ROCK2: variants seen among roughly 807,000 people sequenced by gnomAD.
ROCK2 encodes the protein rho-associated protein kinase 2.
A neutral mutation model predicts 195.1 loss-of-function variants in ROCK2; 61 were observed. The observed-to-expected ratio is 0.31, with a 90% CI of 0.25 to 0.39. ROCK2 has a LOEUF of 0.39. Among genes scored for constraint, ROCK2 ranks in the 10% least tolerant of loss-of-function variants. ROCK2 has a pLI of 1.00. For synonymous variants in ROCK2, 504 were observed against 545.5 expected (o/e 0.92, Z 1.06); for missense variants, 1,109 against 1,637.4 (o/e 0.68, Z 5.57).
At chr2:11,342,356 G>T (rs1669133174) in intron 1 of ROCK2, among the ~76,000 whole-genome samples, 1 of 152,118 alleles carries the variant, frequency 6.6e-6, no homozygotes, top group Non-Finnish European at 1.5e-5. Context: ...TTTAAAAATA[G>T]CCTCCATTTT....
chr2:11,198,985 C>T (rs1663747604), intron 23 of ROCK2, among the ~76,000 whole-genome samples: 1 of 151,370 alleles, frequency 6.6e-6, no homozygotes, highest in South Asian at 2.1e-4. Context: ...ACTGCAACCT[C>T]CGCCTCCTGG....
intron 10 of ROCK2, 143 bp downstream of exon 10, chr2:11,218,823 T>C (rs1251620811): frequency 7.6e-6 from 4 of 529,556 alleles, no homozygotes; most frequent in Non-Finnish European, 1.4e-5. Flanking sequence ...ATCATTGCAA[T>C]GCTATGTTAA....
At chr2:11,298,960 T>A (rs1431478152) in intron 1 of ROCK2, among the ~76,000 whole-genome samples, 1 of 152,110 alleles carries the variant, frequency 6.6e-6, no homozygotes, top group East Asian at 1.9e-4. Flanking sequence ...AATCTCATTT[T>A]ATATTCCACA....
intron 1 of ROCK2, among the ~76,000 whole-genome samples, chr2:11,326,288 G>A (rs1668547856): frequency 6.6e-6 from 1 of 152,092 alleles, no homozygotes; most frequent in African/African-American, 2.4e-5. Flanking sequence ...CAGCAAAGGA[G>A]CCTAAGGAGA....
At chr2:11,209,860 G>T (rs958223549) in intron 18 of ROCK2, among the ~76,000 whole-genome samples, 2 of 152,160 alleles carry the variant, frequency 1.3e-5, no homozygotes, top group Admixed American at 6.5e-5. Context: ...CATTCCCCAT[G>T]TAGTACTAAT....
intron 3 of ROCK2, among the ~76,000 whole-genome samples, chr2:11,258,679 G>T (rs1666118472): frequency 6.6e-6 from 1 of 151,304 alleles, no homozygotes; most frequent in Non-Finnish European, 1.5e-5. Flanking sequence ...TCATACTACA[G>T]ATTTTGTTGA....
At chr2:11,287,888 T>G (rs1227995530) in intron 1 of ROCK2, 152 bp from the exon 2 acceptor site, 3 of 379,248 alleles carry the variant, frequency 7.9e-6, no homozygotes, top group African/African-American at 6.3e-5. Flanking sequence ...TCCAACAGCT[T>G]TAACTGGTTT....
intron 4 of ROCK2, among the ~76,000 whole-genome samples, chr2:11,243,519 T>C (rs1409026373): frequency 6.6e-6 from 1 of 152,222 alleles, no homozygotes; most frequent in Non-Finnish European, 1.5e-5. Context: ...AATGTATTAG[T>C]ATGTACTCCT....
chr2:11,198,890 T>TC (rs1663742917), intron 23 of ROCK2, 116 bp from the exon 24 acceptor site: 6 of 699,982 alleles, frequency 8.6e-6, no homozygotes, highest in Non-Finnish European at 1.4e-5. Flanking sequence ...TTTCTTTTTT[T>TC]TTTTTTTTTG....
chr2:11,268,522 C>CTG (rs70953378), intron 3 of ROCK2, among the ~76,000 whole-genome samples: 28,957 of 140,196 alleles, frequency 0.21, 2,958 homozygotes, highest in East Asian at 0.4. Flanking sequence ...CAGTTTTGCA[C>CTG]TGTGTGTGTG....
At chr2:11,334,483 G>A (rs1285922516) in intron 1 of ROCK2, among the ~76,000 whole-genome samples, 1 of 141,812 alleles carries the variant, frequency 7.1e-6, no homozygotes, top group Non-Finnish European at 1.5e-5. Flanking sequence ...TGCACTCCAG[G>A]CTGGGCGACA....
Position 11,334,221 on chromosome 2 carries a change from T to TA in ROCK2, c.141+9774dup, listed in dbSNP as rs914507172. 6.4e-4 allele frequency among the ~76,000 whole-genome samples: 98 copies of TA among 152,084 alleles called. 1 individual carries two copies. The highest frequency in any genetic ancestry group is 1.3e-4 in the Admixed American group (2 of 15,272). On this transcript the variant is annotated intron_variant, in intron 1 of 32. Transcript: ENST00000315872. ...TCTACAGGTTATCACTCCTGTTATT[T>TA]AAAAAAAGAGGCCAGGCGCAGTGAC... is the stretch of plus-strand genomic sequence containing the variant.
intron 1 of ROCK2, among the ~76,000 whole-genome samples, chr2:11,342,157 G>C (rs1351637143): frequency 6.6e-6 from 1 of 152,126 alleles, no homozygotes; most frequent in African/African-American, 2.4e-5. Flanking sequence ...ACGCATTTTG[G>C]CTTGGAAAGG....
At chr2:11,304,276 C>T (rs1392016279) in intron 1 of ROCK2, among the ~76,000 whole-genome samples, 2 of 152,186 alleles carry the variant, frequency 1.3e-5, no homozygotes, top group Non-Finnish European at 2.9e-5. Flanking sequence ...TGCCCTACCC[C>T]TTCCTTTTCC....
intron 1 of ROCK2, among the ~76,000 whole-genome samples, chr2:11,310,894 G>C (rs1668013070): frequency 6.6e-6 from 1 of 151,476 alleles, no homozygotes; most frequent in Non-Finnish European, 1.5e-5. Context: ...TTGTAATAAA[G>C]CAAGGAAGAT....
chr2:11,288,330 T>C (rs569271628), intron 1 of ROCK2, among the ~76,000 whole-genome samples: 1 of 152,214 alleles, frequency 6.6e-6, no homozygotes, highest in African/African-American at 2.4e-5. Flanking sequence ...CACATAATGG[T>C]GGAGGTGAAA....
chr2:11,291,070 A>T (rs999586325), intron 1 of ROCK2, among the ~76,000 whole-genome samples: 13 of 152,314 alleles, frequency 8.5e-5, no homozygotes, highest in Admixed American at 2.0e-4. Flanking sequence ...TGTATTTTTT[A>T]AAAAAACATG....
At chr2:11,337,283 T>C (rs1668959287) in intron 1 of ROCK2, among the ~76,000 whole-genome samples, 1 of 150,164 alleles carries the variant, frequency 6.7e-6, no homozygotes, top group Non-Finnish European at 1.5e-5. Context: ...AGATACACCA[T>C]AAGCTAGGAA....
intron 3 of ROCK2, among the ~76,000 whole-genome samples, chr2:11,266,884 T>C (rs1373212520): frequency 6.6e-6 from 1 of 152,232 alleles, no homozygotes; most frequent in Non-Finnish European, 1.5e-5. Flanking sequence ...TTTTCATTTC[T>C]AAAAATTAAG....
Sources: allele counts gnomAD v4.1 joint callset (sites outside exome capture counted in the v4.1 genomes callset), GRCh38; gene constraint gnomAD v4.1.1; transcripts MANE v1.5; gene names NCBI Gene and HGNC (gene_info 2026-07-23, HGNC 2026-07-21).